AZI2: variants seen among roughly 807,000 people sequenced by gnomAD.
AZI2 encodes 5-azacytidine induced 2, also known as 5-azacytidine-induced protein 2.
AZI2 carries 22 observed loss-of-function variants against 45.8 expected under a neutral mutation model. That is an observed-to-expected ratio of 0.48 (90% CI 0.34 to 0.69). The LOEUF is 0.69. AZI2 is among the 30% of genes least tolerant of loss of function. AZI2 has a pLI of 0.01. For synonymous variants in AZI2, 137 were observed against 156.7 expected (o/e 0.87, Z 0.94); for missense variants, 417 against 441.5 (o/e 0.94, Z 0.50).
At chr3:28,335,124 AG>A (rs1170136371) in intron 5 of AZI2, among the ~76,000 whole-genome samples, 5 of 152,064 alleles carry the variant, frequency 3.3e-5, no homozygotes, top group Admixed American at 1.3e-4. Context: ...TCATGAAAAA[AG>A]GTATTTAATG....
At chr3:28,336,983 AAACT>A (rs1703818989) in intron 4 of AZI2, 98 bp from the exon 5 acceptor site, 8 of 1,192,408 alleles carry the variant, frequency 6.7e-6, no homozygotes, top group East Asian at 4.9e-5. Context: ...GATAATAGAA[AAACT>A]AACATAAAAC....
intron 1 of AZI2, among the ~76,000 whole-genome samples, chr3:28,346,809 G>A (rs2125674409): frequency 6.6e-6 from 1 of 152,258 alleles, no homozygotes; most frequent in Middle Eastern, 3.4e-3. Flanking sequence ...GGGTCATCAA[G>A]TACCTCTTTT....
chr3:28,333,265 A>G (rs1703655840), intron 5 of AZI2, among the ~76,000 whole-genome samples: 1 of 151,756 alleles, frequency 6.6e-6, no homozygotes, highest in East Asian at 1.9e-4. Context: ...CTTGAGAGTA[A>G]AATGTGAAAA....
intron 2 of AZI2, among the ~76,000 whole-genome samples, chr3:28,339,895 A>G (rs1703942731): frequency 6.6e-6 from 1 of 152,166 alleles, no homozygotes; most frequent in African/African-American, 2.4e-5. Flanking sequence ...TAGATGTGTC[A>G]CAATTATACA....
chr3:28,329,632 C>T (rs1703504017), intron 6 of AZI2, among the ~76,000 whole-genome samples: 1 of 151,258 alleles, frequency 6.6e-6, no homozygotes, highest in South Asian at 2.1e-4. Flanking sequence ...TGAGTTTCTA[C>T]TTCAGCCATA....
At position 28,324,436 on chromosome 3, in the gene AZI2, C is replaced by A; in HGVS notation, c.785G>T (p.Cys262Phe). 1 of 1,506,404 alleles carries A rather than the reference C, an allele frequency of 6.6e-7. No individual in the cohort carries two copies. Among genetic ancestry groups the A allele is most frequent in the East Asian group, 2.3e-5 (1 of 43,918 alleles). 93.3% of individuals were successfully genotyped at this position (1,506,404 alleles called of 1,614,324 possible). Reference sequence around the variant, plus strand: ...GCTGTCTCTTCCAAGGTCTTCACTGCATCCTACAGGGGCACAGGCTAAAAA... The same window carrying A: ...GCTGTCTCTTCCAAGGTCTTCACTGAATCCTACAGGGGCACAGGCTAAAAA... ...AIKKACAPVGCSEDLGRDSTK... is the reference protein window; with the variant it reads ...AIKKACAPVGFSEDLGRDSTK... The change falls in exon 8 of 8, where the codon TGC becomes TTC. Residue 262 changes from cysteine to phenylalanine, a missense_variant. Coordinates refer to ENST00000479665, the MANE Select transcript of AZI2 (RefSeq NM_022461.5).
chr3:28,343,569 TTAGCATTA>T (rs1397079542), intron 1 of AZI2, among the ~76,000 whole-genome samples: 1 of 152,018 alleles, frequency 6.6e-6, no homozygotes, highest in African/African-American at 2.4e-5. Context: ...AGTGAACTAC[TTAGCATTA>T]TGCTAAATGT....
At chr3:28,346,518 G>T (rs1704235225) in intron 1 of AZI2, among the ~76,000 whole-genome samples, 1 of 152,098 alleles carries the variant, frequency 6.6e-6, no homozygotes, top group African/African-American at 2.4e-5. Flanking sequence ...GAGGCTCAAA[G>T]AGGTGAGGTA....
At position 28,337,960 on chromosome 3, in the gene AZI2, C is replaced by G. The variant is rs1397476316; in HGVS notation, c.416G>C (p.Arg139Thr). 2 of 1,593,762 alleles carry G rather than the reference C, an allele frequency of 1.3e-6. No homozygotes were observed. The highest frequency in any genetic ancestry group is 1.7e-6 in the Non-Finnish European group (2 of 1,168,546). Residue 139 changes from arginine (R) to threonine (T), a missense_variant, in exon 4 of 8, where the codon AGG becomes ACG. Arg to Thr is a moderately conservative substitution (Grantham distance 71). Transcript: ENST00000479665. The stretch of plus-strand genomic sequence containing the variant: ...ACCCTGCTGAGTTTCCACCTCTGTC[C>G]TCAGCTGGAGGAGTTCTACTTCTTT... ...QSKEVELLQL[R>T]TEVETQQVMR...
chr3:28,347,222 A>T (rs981904411), intron 1 of AZI2, among the ~76,000 whole-genome samples: 3 of 152,094 alleles, frequency 2.0e-5, no homozygotes, highest in African/African-American at 7.2e-5. Flanking sequence ...CATGGATTAT[A>T]AAAAAAACTT....
rs551030388 is a variant in AZI2 at position 28,346,578 on chromosome 3, G to A, written c.-6+2023C>T. ...TGACAAAACTGAAGTTTGAATCAAG[G>A]CCTATATGGTAGGCTCTTTATTCCA... On this transcript the variant is annotated intron_variant, in intron 1 of 7. Transcript: ENST00000479665. 3.1e-5 allele frequency among the ~76,000 whole-genome samples: 3 copies of A among 96,766 alleles called. No individual in the cohort carries two copies. The South Asian group carries it at 9.7e-4, about 31-fold the overall frequency. The allele number at this position is 96,766 out of a possible 152,430, so 63.5% of individuals were successfully genotyped here.
intron 2 of AZI2, among the ~76,000 whole-genome samples, chr3:28,338,931 A>G (rs1434356054): frequency 6.6e-6 from 1 of 152,122 alleles, no homozygotes; most frequent in African/African-American, 2.4e-5. Flanking sequence ...TTTTAAATTA[A>G]AAGTATCTAA....
Position 28,321,271 on chromosome 3 carries a change from GT to G in AZI2, c.*2770del, listed in dbSNP as rs1164492336. 1 of 151,274 alleles carries G rather than the reference GT, an allele frequency of 6.6e-6. No homozygotes were observed. The allele number at this position is 151,274 out of a possible 1,614,324, so 9.4% of individuals were successfully genotyped here. On this transcript the variant is annotated 3_prime_UTR_variant, in exon 8 of 8. Coordinates refer to ENST00000479665, the MANE Select transcript of AZI2 (RefSeq NM_022461.5). ...TTTCCTAGAGCACAGGAAGTTAACT[GT>G]TTTTAGAGATAAATGAAAATGGAAG...
At chr3:28,336,504 C>A (rs1703794795) in intron 5 of AZI2, among the ~76,000 whole-genome samples, 1 of 151,774 alleles carries the variant, frequency 6.6e-6, no homozygotes, top group Admixed American at 6.6e-5. Context: ...TAAAAATCAA[C>A]CTTTTAAAAA....
chr3:28,324,247 G>C lies in AZI2; in HGVS notation c.974C>G (p.Ser325Cys). Reference sequence around the variant, plus strand: ...AAAGCATGTACCATCATTAGGAATGGATCTCTCATTGTCTGTCCATGATTG... The same window carrying C: ...AAAGCATGTACCATCATTAGGAATGCATCTCTCATTGTCTGTCCATGATTG... ...ILQSWTDNER[S>C]IPNDGTCFQE... is the part of the protein sequence containing the mutation. Residue 325 changes from serine (S) to cysteine (C), a missense_variant, in exon 8 of 8, where the codon TCC (serine) becomes TGC (cysteine). Coordinates refer to ENST00000479665, the MANE Select transcript of AZI2 (RefSeq NM_022461.5). 6.2e-7 allele frequency: 1 copy of C among 1,610,156 alleles called. No homozygotes were observed. Among genetic ancestry groups the C allele is most frequent in the South Asian group, 1.1e-5 (1 of 90,922 alleles).
chr3:28,331,970 A>C, intron 6 of AZI2: 2 of 1,444,064 alleles, frequency 1.4e-6, no homozygotes, highest in East Asian at 2.5e-5. Context: ...AAAACAAAAA[A>C]CAAAAAAAAA....
intron 6 of AZI2, among the ~76,000 whole-genome samples, chr3:28,328,979 G>T (rs1577122743): frequency 6.6e-6 from 1 of 151,272 alleles, no homozygotes; most frequent in Non-Finnish European, 1.5e-5. Flanking sequence ...TGTATAGATT[G>T]TGACCTTCCT....
intron 1 of AZI2, among the ~76,000 whole-genome samples, chr3:28,341,811 A>G (rs894471261): frequency 4.6e-5 from 7 of 152,146 alleles, no homozygotes; most frequent in Non-Finnish European, 1.0e-4. Context: ...CTAGAAAGTG[A>G]GTTTTTAACT....
chr3:28,339,388 C>T (rs1229744321), intron 2 of AZI2, among the ~76,000 whole-genome samples: 1 of 152,050 alleles, frequency 6.6e-6, no homozygotes, highest in Non-Finnish European at 1.5e-5. Flanking sequence ...AGAAATATTT[C>T]CAATGTTAAC....
Sources: gnomAD v4.1 joint callset for allele counts (sites outside exome capture counted in the v4.1 genomes callset) on GRCh38, gnomAD v4.1.1 for gene constraint, MANE v1.5 for transcripts, NCBI Gene and HGNC (gene_info 2026-07-23, HGNC 2026-07-21) for gene names.